TLN2: variants seen among roughly 807,000 people sequenced by gnomAD.
TLN2 encodes the protein talin 2.
Under a neutral mutation model 294.7 loss-of-function variants are expected in TLN2, and 118 were observed. That is an observed-to-expected ratio of 0.40 (90% CI 0.34 to 0.47). The LOEUF is 0.47. Ranked by LOEUF, TLN2 falls within the 20% of genes least tolerant of loss-of-function variation. TLN2 has a pLI of 0.84. For synonymous variants in TLN2, 1,431 were observed against 1,304.5 expected (o/e 1.10, Z -2.09); for missense variants, 3,083 against 3,282.2 (o/e 0.94, Z 1.48).
At chr15:62,564,917 A>ATATATATATATATAT (rs1262371986) in intron 1 of TLN2, among the ~76,000 whole-genome samples, 1 of 124,658 alleles carries the variant, frequency 8.0e-6, no homozygotes, top group African/African-American at 3.1e-5. Flanking sequence ...AAAAAAAAAA[A>ATATATATATATATAT]AAAAAAAAAT....
chr15:62,520,542 T>C (rs1043226330), intron 1 of TLN2, among the ~76,000 whole-genome samples: 3 of 152,178 alleles, frequency 2.0e-5, no homozygotes, highest in African/African-American at 7.2e-5. Context: ...AATACAGAAT[T>C]GTGAATAGGT....
At chr15:62,630,009 A>G (rs574178087) in intron 3 of TLN2, among the ~76,000 whole-genome samples, 2 of 152,292 alleles carry the variant, frequency 1.3e-5, no homozygotes, top group South Asian at 4.1e-4. Flanking sequence ...TCAGGAAATT[A>G]TCTTTTTTTG....
chr15:62,775,622 C>G (rs185163774), intron 42 of TLN2, among the ~76,000 whole-genome samples: 1 of 152,322 alleles, frequency 6.6e-6, no homozygotes, highest in East Asian at 1.9e-4. Context: ...CACATAGCCT[C>G]TTGGAATTCT....
At chr15:62,480,857 G>C (rs942117106) in intron 1 of TLN2, among the ~76,000 whole-genome samples, 1 of 152,188 alleles carries the variant, frequency 6.6e-6, no homozygotes. Context: ...AAAGTGTTCA[G>C]ACCTTTCCTG....
At chr15:62,445,682 G>A (rs888483217) in intron 1 of TLN2, among the ~76,000 whole-genome samples, 2 of 152,022 alleles carry the variant, frequency 1.3e-5, no homozygotes, top group African/African-American at 4.8e-5. Flanking sequence ...GGTGTTGGGG[G>A]AGACAGGGTC....
At chr15:62,731,435 C>G (rs1177225756) in intron 28 of TLN2, among the ~76,000 whole-genome samples, 1 of 151,536 alleles carries the variant, frequency 6.6e-6, no homozygotes. Context: ...TAGGATTACT[C>G]TTCGCTTCTG....
At chr15:62,800,232 GTCTGCCATGC>G (rs2141142312) in intron 48 of TLN2, 126 bp from the exon 49 acceptor site, 1 of 1,398,310 alleles carries the variant, frequency 7.2e-7, no homozygotes, top group Non-Finnish European at 9.6e-7. Flanking sequence ...TTCCCAGGAG[GTCTGCCATGC>G]TGCAGACTTC....
intron 1 of TLN2, among the ~76,000 whole-genome samples, chr15:62,534,351 C>G (rs1306798530): frequency 6.6e-6 from 1 of 152,234 alleles, no homozygotes; most frequent in Non-Finnish European, 1.5e-5. Context: ...TGCTGACTGA[C>G]AGGCTATATG....
At chr15:62,493,872 A>C (rs1261767190) in intron 1 of TLN2, among the ~76,000 whole-genome samples, 1 of 151,974 alleles carries the variant, frequency 6.6e-6, no homozygotes, top group African/African-American at 2.4e-5. Flanking sequence ...CGGCCTCCCA[A>C]AGTGCTGGGA....
At chr15:62,801,760 C>T (rs571016879) in intron 50 of TLN2, among the ~76,000 whole-genome samples, 2 of 152,284 alleles carry the variant, frequency 1.3e-5, no homozygotes, top group African/African-American at 4.8e-5. Flanking sequence ...TGCCTGGCTG[C>T]ACAGGCTGGG....
chr15:62,421,669 A>G (rs1029461102), intron 1 of TLN2, among the ~76,000 whole-genome samples: 1 of 144,414 alleles, frequency 6.9e-6, no homozygotes, highest in African/African-American at 2.5e-5. Context: ...TCTGGGGCCT[A>G]TTGGAGGGTA....
intron 9 of TLN2, among the ~76,000 whole-genome samples, chr15:62,661,476 G>C (rs986887883): frequency 2.0e-5 from 3 of 152,160 alleles, no homozygotes; most frequent in Non-Finnish European, 4.4e-5. Flanking sequence ...CAAGCCAGTA[G>C]GGGTAGGAGG....
In TLN2 at chr15:62,500,022, G is replaced by A. The variant is rs149093786; in HGVS notation, c.-237-89665G>A. Among the ~76,000 whole-genome samples the A allele has an allele frequency of 4.6e-4, 70 of 152,198 alleles. 1 individual carries two copies. In the East Asian group the frequency reaches 6.2e-3, roughly 13 times the overall value. On this transcript the variant is annotated intron_variant, in intron 1 of 58. Transcript: ENST00000636159. The stretch of plus-strand genomic sequence containing the variant: ...TGAAGGTCCAAAACAGATGGTGGGC[G>A]TTGGTGGTTTTCTCTTGTTTAAAAT...
chr15:62,828,511 T>G (rs2068441567), intron 54 of TLN2: 3 of 152,234 alleles, frequency 2.0e-5, no homozygotes, highest in African/African-American at 7.2e-5. Flanking sequence ...TAAGAGTGCC[T>G]CTTGGTAAAA....
chr15:62,411,786 A>G (rs896488082), intron 1 of TLN2, among the ~76,000 whole-genome samples: 25 of 152,234 alleles, frequency 1.6e-4, no homozygotes, highest in African/African-American at 5.5e-4. Flanking sequence ...GAGATTATTC[A>G]TCTCTCAAAA....
At chr15:62,523,202 A>G (rs1004911289) in intron 1 of TLN2, among the ~76,000 whole-genome samples, 3 of 152,232 alleles carry the variant, frequency 2.0e-5, no homozygotes, top group African/African-American at 7.2e-5. Flanking sequence ...ACAAGGGGAG[A>G]TAAATTCCAG....
At chr15:62,591,347 C>T (rs958703962) in intron 2 of TLN2, among the ~76,000 whole-genome samples, 2 of 152,094 alleles carry the variant, frequency 1.3e-5, no homozygotes, top group Non-Finnish European at 2.9e-5. Flanking sequence ...CTGCTGAGGG[C>T]TCTTCTGCCT....
chr15:62,743,840 C>G (rs780160956), intron 32 of TLN2, among the ~76,000 whole-genome samples: 6 of 152,140 alleles, frequency 3.9e-5, no homozygotes, highest in African/African-American at 1.4e-4. Flanking sequence ...CAGCATCACA[C>G]CCCCGGGCCA....
At chr15:62,778,408 A>T (rs911406862) in intron 43 of TLN2, among the ~76,000 whole-genome samples, 3 of 152,210 alleles carry the variant, frequency 2.0e-5, no homozygotes, top group African/African-American at 7.2e-5. Context: ...CCGTGTATCT[A>T]CCTAAGGATG....
Sources: allele counts gnomAD v4.1 joint callset (sites outside exome capture counted in the v4.1 genomes callset), GRCh38; gene constraint gnomAD v4.1.1; transcripts MANE v1.5; gene names NCBI Gene and HGNC (gene_info 2026-07-23, HGNC 2026-07-21).